RHOT1: variants seen among roughly 807,000 people sequenced by gnomAD.
RHOT1 encodes the protein mitochondrial Rho GTPase 1.
A neutral mutation model predicts 95.3 loss-of-function variants in RHOT1; 27 were observed. That is an observed-to-expected ratio of 0.28 (90% CI 0.21 to 0.39). The LOEUF is 0.39. RHOT1 is among the 10% of genes least tolerant of loss of function. The pLI is 1.00. For synonymous variants in RHOT1, 227 were observed against 263.5 expected (o/e 0.86, Z 1.34); for missense variants, 578 against 786.7 (o/e 0.73, Z 3.17).
At chr17:32,181,322 A>G (rs1451623396) in intron 6 of RHOT1, among the ~76,000 whole-genome samples, 2 of 150,450 alleles carry the variant, frequency 1.3e-5, no homozygotes, top group Admixed American at 6.6e-5. Context: ...ACAAAAAATC[A>G]TTCTTAATCT....
intron 1 of RHOT1, among the ~76,000 whole-genome samples, chr17:32,154,887 C>A (rs1363090442): frequency 6.7e-6 from 1 of 149,864 alleles, no homozygotes; most frequent in Non-Finnish European, 1.5e-5. Context: ...GAGCAAGGAT[C>A]CATCTAAAAA....
chr17:32,211,295 G>T, intron 19 of RHOT1, 57 bp downstream of exon 19: 3 of 1,496,646 alleles, frequency 2.0e-6, no homozygotes, highest in Non-Finnish European at 2.7e-6. Context: ...AAAGAAAAAA[G>T]CGGATAACTA....
intron 1 of RHOT1, among the ~76,000 whole-genome samples, chr17:32,149,382 T>G (rs1340291451): frequency 6.6e-6 from 1 of 150,962 alleles, no homozygotes; most frequent in East Asian, 1.9e-4. Context: ...AATCTTTATT[T>G]TCTGAAGCAG....
At chr17:32,215,905 TATTTGA>T (rs571728874) in intron 19 of RHOT1, among the ~76,000 whole-genome samples, 1 of 152,136 alleles carries the variant, frequency 6.6e-6, no homozygotes, top group Non-Finnish European at 1.5e-5. Context: ...TAACTGGAAT[TATTTGA>T]ATTTGAATAC....
At chr17:32,172,583 A>T (rs1322024030) in intron 2 of RHOT1, among the ~76,000 whole-genome samples, 1 of 152,270 alleles carries the variant, frequency 6.6e-6, no homozygotes, top group Non-Finnish European at 1.5e-5. Context: ...CTGTAATCCC[A>T]GCACTTTGGG....
chr17:32,219,325 G>A (rs1000233655), intron 19 of RHOT1, among the ~76,000 whole-genome samples: 10 of 152,080 alleles, frequency 6.6e-5, no homozygotes, highest in South Asian at 2.1e-4. Context: ...TTACCCTTCC[G>A]CTATGTTGCC....
chr17:32,158,317 T>C (rs943623953), intron 1 of RHOT1, among the ~76,000 whole-genome samples: 5 of 152,214 alleles, frequency 3.3e-5, no homozygotes, highest in South Asian at 2.1e-4. Context: ...ATACCCTGCA[T>C]GTTCTAGTGT....
intron 3 of RHOT1, 128 bp downstream of exon 3, chr17:32,174,040 G>C (rs1463841981): frequency 1.5e-6 from 1 of 687,938 alleles, no homozygotes. Context: ...GATCCTTTAC[G>C]ATTCTTATCT....
intron 18 of RHOT1, chr17:32,208,557 C>T: frequency 2.5e-6 from 1 of 398,052 alleles, no homozygotes. Context: ...TAGAATAGTA[C>T]AATAAAACAC....
chr17:32,154,550 G>A (rs988372349), intron 1 of RHOT1, among the ~76,000 whole-genome samples: 1 of 142,744 alleles, frequency 7.0e-6, no homozygotes. Context: ...CGGCGCCACT[G>A]CACTCCAGCC....
chr17:32,219,949 C>T (rs1017714136), intron 19 of RHOT1, among the ~76,000 whole-genome samples: 2 of 152,110 alleles, frequency 1.3e-5, no homozygotes, highest in Non-Finnish European at 2.9e-5. Context: ...GAAAAAAAAC[C>T]TTTATACATA....
rs1598289709 is a variant in RHOT1 at position 32,152,840 on chromosome 17, G to T, written c.37+10111G>T. Among the ~76,000 whole-genome samples, 6 of 151,850 alleles carry T rather than the reference G, an allele frequency of 4.0e-5. No homozygotes were observed. The South Asian group carries it at 1.2e-3, about 32-fold the overall frequency. ...TCTTTTTGAGACAGGGCCTCACTCG[G>T]TTGTCCAGGCTGGAATGTAGTGGCG... On this transcript the variant is annotated intron_variant, in intron 1 of 19. Coordinates refer to ENST00000545287, the MANE Select transcript of RHOT1 (RefSeq NM_001033566.3).
intron 16 of RHOT1, among the ~76,000 whole-genome samples, chr17:32,206,576 C>T (rs1420235188): frequency 1.3e-5 from 2 of 151,200 alleles, no homozygotes; most frequent in Non-Finnish European, 2.9e-5. Flanking sequence ...CTCAGCCTCC[C>T]TAGTAGCTGG....
At chr17:32,192,408 A>T (rs189424552) in intron 9 of RHOT1, 109 bp downstream of exon 9, 1 of 685,858 alleles carries the variant, frequency 1.5e-6, no homozygotes, top group Non-Finnish European at 2.5e-6. Context: ...TGTTATAAAC[A>T]TAAGTTTCTT....
Position 32,193,116 on chromosome 17 carries a change from AT to A in RHOT1, c.640-15del, listed in dbSNP as rs768492557. ...TTAACGCTGGTTTGTTTTTAAATAT[AT>A]TTTTATGTTTTTTGCTAGAGGATTT... On this transcript the variant is annotated intron_variant, in intron 9 of 19. Coordinates refer to ENST00000545287, the MANE Select transcript of RHOT1 (RefSeq NM_001033566.3). 3 of 1,478,078 alleles carry A rather than the reference AT, an allele frequency of 2.0e-6. No individual in the cohort carries two copies. The East Asian group carries it at 6.8e-5, about 34-fold the overall frequency. The allele number at this position is 1,478,078 out of a possible 1,614,324, so 91.6% of individuals were successfully genotyped here.
chr17:32,151,940 G>A (rs1042635662), intron 1 of RHOT1, among the ~76,000 whole-genome samples: 1 of 150,672 alleles, frequency 6.6e-6, no homozygotes, highest in Non-Finnish European at 1.5e-5. Context: ...AGAGATTCAC[G>A]TTCTTTGATT....
In RHOT1 at chr17:32,207,080, TA is replaced by T. The variant is rs575958658; in HGVS notation, c.1536+52del. 757 of 1,543,562 alleles carry T rather than the reference TA, an allele frequency of 4.9e-4. 7 individuals are homozygous for T. The African/African-American group carries it at 9.4e-3, about 19-fold the overall frequency. Reference sequence around the variant, plus strand: ...TGAATGTAACTTCATATGGACTTTTTATGGAATTGCAGTGTGGTGTTTCCTA... The same window carrying T: ...TGAATGTAACTTCATATGGACTTTTTTGGAATTGCAGTGTGGTGTTTCCTA... On this transcript the variant is annotated intron_variant, in intron 17 of 19. Transcript: ENST00000545287.
chr17:32,213,875 C>A (rs2038284668), intron 19 of RHOT1, among the ~76,000 whole-genome samples: 1 of 152,128 alleles, frequency 6.6e-6, no homozygotes, highest in South Asian at 2.1e-4. Context: ...TAAATGAATA[C>A]TATTGTGCAT....
intron 1 of RHOT1, among the ~76,000 whole-genome samples, chr17:32,153,006 T>A (rs1433887631): frequency 1.3e-5 from 2 of 152,188 alleles, no homozygotes; most frequent in African/African-American, 4.8e-5. Context: ...TTCACCATGT[T>A]GTCCAGGCTG....
Sources: allele counts gnomAD v4.1 joint callset (sites outside exome capture counted in the v4.1 genomes callset), GRCh38; gene constraint gnomAD v4.1.1; transcripts MANE v1.5; gene names NCBI Gene and HGNC (gene_info 2026-07-23, HGNC 2026-07-21).